Variants in SLC16A7 observed in about 807,000 individuals in gnomAD.
SLC16A7 encodes the protein monocarboxylate transporter 2.
SLC16A7 carries 33 observed loss-of-function variants against 34.9 expected under a neutral mutation model. The observed-to-expected ratio is 0.94, with a 90% confidence interval of 0.72 to 1.26. The LOEUF is 1.26. Ranked by LOEUF, SLC16A7 falls within the 50% of genes most tolerant of loss-of-function variation. The pLI is 0.00. For missense variants in SLC16A7, 573 were observed against 578.1 expected, an observed-to-expected ratio of 0.99 and a Z score of 0.09; for synonymous variants, 201 against 206.6, an observed-to-expected ratio of 0.97 and a Z score of 0.23.
intron 3 of SLC16A7, among the ~76,000 whole-genome samples, chr12:59,721,774 A>G (rs1048656746): frequency 1.3e-5 from 2 of 152,020 alleles, no homozygotes; most frequent in South Asian, 2.1e-4. Flanking sequence ...ATTGTAATTG[A>G]CCTTTCTGGA....
chr12:59,718,866 C>T (rs554571655), intron 3 of SLC16A7, among the ~76,000 whole-genome samples: 1 of 152,238 alleles, frequency 6.6e-6, no homozygotes, highest in South Asian at 2.1e-4. Flanking sequence ...TTCTGTTACT[C>T]TGGCCATCTT....
intron 3 of SLC16A7, among the ~76,000 whole-genome samples, chr12:59,709,714 A>T (rs1034036063): frequency 6.6e-6 from 1 of 151,666 alleles, no homozygotes; most frequent in South Asian, 2.1e-4. Context: ...TTTTATATCT[A>T]TGCCATGTTA....
intron 3 of SLC16A7, among the ~76,000 whole-genome samples, chr12:59,706,587 A>C (rs915826451): frequency 6.6e-6 from 1 of 152,058 alleles, no homozygotes; most frequent in African/African-American, 2.4e-5. Context: ...TCTCCTTTGG[A>C]CAGTTGCTTT....
At chr12:59,610,963 G>C (rs1326380602) in intron 1 of SLC16A7, among the ~76,000 whole-genome samples, 1 of 146,922 alleles carries the variant, frequency 6.8e-6, no homozygotes, top group African/African-American at 2.7e-5. Context: ...GCAAGTCCAA[G>C]ATCAAGCTGG....
chr12:59,767,393 C>G (rs1285461529), intron 3 of SLC16A7, among the ~76,000 whole-genome samples: 1 of 151,990 alleles, frequency 6.6e-6, no homozygotes, highest in Non-Finnish European at 1.5e-5. Context: ...CTATCTAGGA[C>G]TTTCATTGGT....
chr12:59,735,527 G>C (rs1234245182), intron 3 of SLC16A7, among the ~76,000 whole-genome samples: 1 of 152,068 alleles, frequency 6.6e-6, no homozygotes, highest in Admixed American at 6.6e-5. Flanking sequence ...TTTGTGGTAG[G>C]TTTTATTTCT....
In SLC16A7 at chr12:59,775,315, G is replaced by T; in HGVS notation, c.1020G>T (p.Leu340=). ...LCPLAQDYTS[L]VLYAVFFGLG... ...CACTGGCACAGGACTACACAAGCCT[G>T]GTATTATATGCTGTATTTTTTGGCC... Residue 340 remains leucine (L), a synonymous_variant, in exon 5 of 6, where the codon CTG becomes CTT. Coordinates refer to ENST00000547379, the MANE Select transcript of SLC16A7 (RefSeq NM_001270623.2). 6.2e-7 allele frequency: 1 copy of T among 1,614,114 alleles called. No individual in the cohort carries two copies. The highest frequency in any genetic ancestry group is 1.1e-5 in the South Asian group (1 of 91,078).
intron 2 of SLC16A7, among the ~76,000 whole-genome samples, chr12:59,704,133 C>T (rs891433768): frequency 1.2e-4 from 16 of 132,390 alleles, no homozygotes; most frequent in African/African-American, 4.1e-4. Context: ...CTGGGAGGCA[C>T]AGGTTCCAGT....
intron 2 of SLC16A7, among the ~76,000 whole-genome samples, chr12:59,656,579 C>A (rs1868544991): frequency 1.3e-5 from 2 of 151,958 alleles, no homozygotes; most frequent in Non-Finnish European, 2.9e-5. Flanking sequence ...AGACTTCTGA[C>A]CTTTGAAATT....
At chr12:59,687,528 C>T (rs538166585) in intron 2 of SLC16A7, among the ~76,000 whole-genome samples, 1 of 152,230 alleles carries the variant, frequency 6.6e-6, no homozygotes, top group South Asian at 2.1e-4. Context: ...TATTGCCTGC[C>T]CATCCTTGAA....
chr12:59,693,212 A>T (rs551561228), intron 2 of SLC16A7, among the ~76,000 whole-genome samples: 13 of 151,954 alleles, frequency 8.6e-5, no homozygotes, highest in Non-Finnish European at 1.9e-4. Context: ...TTTGGGACTT[A>T]GTTTGCTGAG....
At chr12:59,603,638 A>G in intron 1 of SLC16A7, among the ~76,000 whole-genome samples, 1 of 152,294 alleles carries the variant, frequency 6.6e-6, no homozygotes, top group Non-Finnish European at 1.5e-5. Flanking sequence ...ACATTGTATA[A>G]TAGAATGTCT....
At chr12:59,769,698 T>G (rs959461548) in intron 3 of SLC16A7, among the ~76,000 whole-genome samples, 2 of 152,050 alleles carry the variant, frequency 1.3e-5, no homozygotes, top group Non-Finnish European at 2.9e-5. Context: ...ATAATTATAT[T>G]TGTATAAAAG....
intron 1 of SLC16A7, among the ~76,000 whole-genome samples, chr12:59,625,322 C>A (rs563249735): frequency 6.6e-6 from 1 of 151,826 alleles, no homozygotes; most frequent in Non-Finnish European, 1.5e-5. Flanking sequence ...TCAACTGATG[C>A]AGTCTCTCTG....
At chr12:59,627,523 T>C (rs1361367871) in intron 1 of SLC16A7, among the ~76,000 whole-genome samples, 1 of 151,866 alleles carries the variant, frequency 6.6e-6, no homozygotes, top group Admixed American at 6.6e-5. Context: ...GAGGAAAGAT[T>C]TTTTACTGTT....
rs115129387 is a variant in SLC16A7, at chr12:59,656,908, G to A, written c.-31+1658G>A. 8.3e-3 allele frequency among the ~76,000 whole-genome samples: 1,269 copies of A among 152,062 alleles called. 20 individuals carry two copies. Among genetic ancestry groups the A allele is most frequent in the African/African-American group, 0.029 (1,189 of 41,508 alleles). ...GAGTACAGAATATGGATCTTGGAGT[G>A]TTAGGTTCAAATGCTGCCTCTGATG... On this transcript the variant is annotated intron_variant, in intron 2 of 5. Transcript: ENST00000547379.
intron 3 of SLC16A7, among the ~76,000 whole-genome samples, chr12:59,764,761 T>C (rs1472976354): frequency 6.6e-6 from 1 of 152,122 alleles, no homozygotes; most frequent in Non-Finnish European, 1.5e-5. Flanking sequence ...GTTCCAAGTC[T>C]TTGCTATTGT....
At chr12:59,646,995 C>G (rs185048097) in intron 1 of SLC16A7, among the ~76,000 whole-genome samples, 35 of 152,200 alleles carry the variant, frequency 2.3e-4, no homozygotes, top group African/African-American at 8.4e-4. Flanking sequence ...CCCATTGTAT[C>G]TAGGAAGTAA....
chr12:59,704,890 T>C lies in SLC16A7; in HGVS notation c.89T>C (p.Ile30Thr), dbSNP rs780409047. The change falls in exon 3 of 6, where the codon ATT (isoleucine) becomes ACT (threonine). Residue 30 changes from isoleucine to threonine, a missense_variant. Coordinates refer to ENST00000547379, the MANE Select transcript of SLC16A7 (RefSeq NM_001270623.2). Reference protein sequence around the residue: ...WIVVGAAFISIGFSYAFPKAV... With the variant: ...WIVVGAAFISTGFSYAFPKAV... ...GTGGTTGGAGCAGCTTTTATCTCCA[T>C]TGGATTTTCCTATGCATTCCCCAAA... The C allele has an allele frequency of 2.1e-5, 34 of 1,613,796 alleles. No individual in the cohort carries two copies. The highest frequency in any genetic ancestry group is 2.7e-5 in the Non-Finnish European group (32 of 1,179,864).
Sources: gnomAD v4.1 joint callset for allele counts (sites outside exome capture counted in the v4.1 genomes callset) on GRCh38, gnomAD v4.1.1 for gene constraint, MANE v1.5 for transcripts, NCBI Gene and HGNC (gene_info 2026-07-23, HGNC 2026-07-21) for gene names.